The following RCAN2 variants were observed in gnomAD, a reference collection of about 807,000 sequenced individuals.
The protein encoded by RCAN2 is regulator of calcineurin 2, also known as calcipressin-2.
RCAN2 carries 9 observed loss-of-function variants against 23.6 expected under a neutral mutation model. The ratio of observed to expected loss-of-function variants is 0.38; its 90% confidence interval spans 0.23 to 0.67. RCAN2 has a LOEUF of 0.67. Among genes scored for constraint, RCAN2 ranks in the 30% least tolerant of loss-of-function variants. RCAN2 has a pLI of 0.51. For synonymous variants in RCAN2, 109 were observed against 115.7 expected, an observed-to-expected ratio of 0.94 and a Z score of 0.37; for missense variants, 273 against 302.3, an observed-to-expected ratio of 0.90 and a Z score of 0.72.
At chr6:46,261,101 G>A (rs763067213) in intron 2 of RCAN2, among the ~76,000 whole-genome samples, 17 of 152,200 alleles carry the variant, frequency 1.1e-4, no homozygotes, top group East Asian at 1.9e-4. Context: ...CTGTACAAAC[G>A]TCTGTGGCTG....
chr6:46,296,282 A>G (rs1488448467), intron 2 of RCAN2, among the ~76,000 whole-genome samples: 1 of 148,088 alleles, frequency 6.8e-6, no homozygotes, highest in Non-Finnish European at 1.5e-5. Context: ...TGACAATACC[A>G]TGTTTCTGAG....
Position 46,292,965 on chromosome 6 carries a change from C to T in RCAN2, c.226-44069G>A, listed in dbSNP as rs1364128502. ...TTCAACTCCCACTTATGAGTGAGAA[C>T]ATGCAGTGTTTGGTTTTCTGTTCCC... On this transcript the variant is annotated intron_variant, in intron 2 of 4. Coordinates refer to ENST00000371374, the MANE Select transcript of RCAN2 (RefSeq NM_001251974.2). Among the ~76,000 whole-genome samples, 4 of 152,140 alleles carry T rather than the reference C, an allele frequency of 2.6e-5. No homozygotes were observed. The East Asian group carries it at 7.7e-4, about 29-fold the overall frequency.
intron 2 of RCAN2, among the ~76,000 whole-genome samples, chr6:46,315,379 A>C (rs1278750910): frequency 6.6e-6 from 1 of 152,174 alleles, no homozygotes; most frequent in Non-Finnish European, 1.5e-5. Context: ...AAGACAAGGC[A>C]GGATGAGGGG....
intron 2 of RCAN2, among the ~76,000 whole-genome samples, chr6:46,361,128 C>A (rs991331660): frequency 1.3e-5 from 2 of 152,296 alleles, no homozygotes; most frequent in Middle Eastern, 3.4e-3. Flanking sequence ...ATATGGATTG[C>A]AGCCTTGACA....
chr6:46,222,300 C>A lies in RCAN2; in HGVS notation c.*841G>T. 1 of 245,760 alleles carries A rather than the reference C, an allele frequency of 4.1e-6. No individual in the cohort carries two copies. Among genetic ancestry groups the A allele is most frequent in the Non-Finnish European group, 7.7e-6 (1 of 129,600 alleles). 15.2% of individuals were successfully genotyped at this position (245,760 alleles called of 1,614,324 possible). A position where few individuals can be genotyped will look rare whatever the true frequency, so the allele number is the denominator to read the frequency against. ...AGATTTTTTAAAAGCACAGCTGAAA[C>A]ATTTGTACAAATATACAAAGAGAGA... On this transcript the variant is annotated 3_prime_UTR_variant, in exon 5 of 5. Transcript: ENST00000371374.
intron 4 of RCAN2, among the ~76,000 whole-genome samples, chr6:46,235,286 C>A (rs1442194070): frequency 6.6e-6 from 1 of 152,144 alleles, no homozygotes; most frequent in Admixed American, 6.6e-5. Flanking sequence ...AAGTTTAGTG[C>A]CTGCTGGACA....
chr6:46,301,597 G>C (rs187046524), intron 2 of RCAN2, among the ~76,000 whole-genome samples: 1 of 152,178 alleles, frequency 6.6e-6, no homozygotes, highest in African/African-American at 2.4e-5. Context: ...ACACTCTACT[G>C]GTGGATACAG....
chr6:46,397,372 AACACACACACACACACAC>A (rs58494804), intron 2 of RCAN2, among the ~76,000 whole-genome samples: 1 of 146,138 alleles, frequency 6.8e-6, no homozygotes, highest in African/African-American at 2.6e-5. Context: ...ATTTCACAGA[AACACACACACACACACAC>A]ACACACACAC....
intron 2 of RCAN2, among the ~76,000 whole-genome samples, chr6:46,369,252 C>T (rs971338443): frequency 6.6e-6 from 1 of 152,070 alleles, no homozygotes; most frequent in Non-Finnish European, 1.5e-5. Flanking sequence ...ACAATGCCTT[C>T]TGGAATACCT....
chr6:46,346,987 T>C (rs183861778), intron 2 of RCAN2, among the ~76,000 whole-genome samples: 2,128 of 152,200 alleles, frequency 0.014, 54 homozygotes, highest in African/African-American at 0.047. Flanking sequence ...GCCATTCTCC[T>C]GCCTCAGCCT....
chr6:46,344,409 G>A (rs532520657), intron 2 of RCAN2, among the ~76,000 whole-genome samples: 28 of 152,060 alleles, frequency 1.8e-4, no homozygotes, highest in Non-Finnish European at 3.8e-4. Context: ...GAAGAGGACT[G>A]GAAGGCATAA....
chr6:46,268,271 C>A (rs1004913264), intron 2 of RCAN2, among the ~76,000 whole-genome samples: 3 of 152,204 alleles, frequency 2.0e-5, no homozygotes, highest in Admixed American at 1.3e-4. Flanking sequence ...AGAGAGCAGA[C>A]ATAAGCCATT....
In RCAN2 at chr6:46,360,432, G is replaced by A. The variant is rs979712488; in HGVS notation, c.225+96320C>T. On this transcript the variant is annotated intron_variant, in intron 2 of 4. Coordinates refer to ENST00000371374, the MANE Select transcript of RCAN2 (RefSeq NM_001251974.2). ...ACCTGTAGTCCCAGCTCCTCCGGAG[G>A]CTGAGGCAGGAGAATGGTGTGAACC... Among the ~76,000 whole-genome samples, 25 of 151,032 alleles carry A rather than the reference G, an allele frequency of 1.7e-4. 1 individual carries two copies. Among genetic ancestry groups the A allele is most frequent in the Admixed American group, 1.1e-3 (16 of 15,114 alleles).
intron 4 of RCAN2, among the ~76,000 whole-genome samples, chr6:46,225,666 T>C (rs1211267227): frequency 6.6e-6 from 1 of 152,206 alleles, no homozygotes; most frequent in East Asian, 1.9e-4. Context: ...TTTAAGTTCT[T>C]TGTAGATTCT....
rs78268152 is a variant in RCAN2, at chr6:46,485,025, G to A, written c.-3+6148C>T. Among the ~76,000 whole-genome samples, 1,182 of 152,296 alleles carry A rather than the reference G, an allele frequency of 7.8e-3. 13 individuals carry two copies. Among genetic ancestry groups the A allele is most frequent in the Non-Finnish European group, 0.013 (905 of 68,024 alleles). On this transcript the variant is annotated intron_variant, in intron 1 of 4. Transcript: ENST00000371374. The stretch of plus-strand genomic sequence containing the variant: ...CGCTAAAAAAACAATTAAAAGCAAT[G>A]TCAGTATACAGAGAAAGCTTTAAGA...
chr6:46,277,358 G>C (rs1767748776), intron 2 of RCAN2, among the ~76,000 whole-genome samples: 1 of 152,068 alleles, frequency 6.6e-6, no homozygotes, highest in Non-Finnish European at 1.5e-5. Context: ...TTTTTCTATA[G>C]GTAGATGACT....
chr6:46,401,647 GT>G (rs1766251483), intron 2 of RCAN2, among the ~76,000 whole-genome samples: 1 of 152,320 alleles, frequency 6.6e-6, no homozygotes, highest in South Asian at 2.1e-4. Context: ...ACGGGTGGAA[GT>G]AGCTAGCGTT....
chr6:46,288,338 C>T (rs2150343340), intron 2 of RCAN2, among the ~76,000 whole-genome samples: 1 of 152,350 alleles, frequency 6.6e-6, no homozygotes, highest in South Asian at 2.1e-4. Context: ...ATGCGGGATC[C>T]TTCCCGTTAA....
chr6:46,439,923 C>G (rs1767483019), intron 2 of RCAN2, among the ~76,000 whole-genome samples: 1 of 152,134 alleles, frequency 6.6e-6, no homozygotes, highest in South Asian at 2.1e-4. Flanking sequence ...TTTCATGTGC[C>G]CCTTGCAAAG....
Sources: allele counts gnomAD v4.1 joint callset (sites outside exome capture counted in the v4.1 genomes callset), GRCh38; gene constraint gnomAD v4.1.1; transcripts MANE v1.5; gene names NCBI Gene and HGNC (gene_info 2026-07-23, HGNC 2026-07-21).